The following LRTM1 variants were observed in gnomAD, a reference collection of about 807,000 sequenced individuals.
LRTM1 encodes leucine-rich repeat and transmembrane domain-containing protein 1.
A neutral mutation model predicts 32.4 loss-of-function variants in LRTM1; 38 were observed. That is an observed-to-expected ratio of 1.17 (90% CI 0.91 to 1.54). LRTM1 has a LOEUF of 1.54. LRTM1 is among the 40% of genes most tolerant of loss of function. The pLI, the probability that LRTM1 is intolerant of heterozygous loss-of-function variation, is 0.00. For missense variants in LRTM1, 466 were observed against 415.4 expected, an observed-to-expected ratio of 1.12 and a Z score of -1.06; for synonymous variants, 186 against 169.9, an observed-to-expected ratio of 1.09 and a Z score of -0.74.
intron 1 of LRTM1, among the ~76,000 whole-genome samples, chr3:54,957,881 G>A (rs1701940848): frequency 1.3e-5 from 2 of 152,158 alleles, no homozygotes; most frequent in South Asian, 4.1e-4. Flanking sequence ...ATCTATTTGT[G>A]TCTCACATCC....
chr3:54,957,388 G>A (rs77559319), intron 1 of LRTM1, among the ~76,000 whole-genome samples: 2,958 of 152,168 alleles, frequency 0.019, 107 homozygotes, highest in African/African-American at 0.067. Context: ...GCTTCAAGCA[G>A]TCATCCCATC....
chr3:54,932,355 G>A (rs188449095), upstream of LRTM1, among the ~76,000 whole-genome samples: 1,566 of 148,300 alleles, frequency 0.011, 35 homozygotes, highest in African/African-American at 0.039. Flanking sequence ...ATAAATACGC[G>A]TTGGTTTGTC....
chr3:54,934,793 G>A (rs532280675), intron 1 of LRTM1, among the ~76,000 whole-genome samples: 16 of 152,178 alleles, frequency 1.1e-4, no homozygotes, highest in African/African-American at 2.9e-4. Flanking sequence ...GTGCAGTGGC[G>A]CTATCGTAGC....
In LRTM1 at chr3:54,918,332, C is replaced by CTTTTTTTTTTTTTTTT. The variant is rs533596688; in HGVS notation, c.*111_*126dup. 188 of 228,012 alleles carry CTTTTTTTTTTTTTTTT rather than the reference C, an allele frequency of 8.2e-4. 16 individuals carry two copies. Among genetic ancestry groups the CTTTTTTTTTTTTTTTT allele is most frequent in the African/African-American group, 1.1e-3 (29 of 27,584 alleles). The allele number at this position is 228,012 out of a possible 1,614,324, so 14.1% of individuals were successfully genotyped here. On this transcript the variant is annotated 3_prime_UTR_variant, in exon 3 of 3. Coordinates refer to ENST00000273286, the MANE Select transcript of LRTM1 (RefSeq NM_020678.4). ...TTTTACAGACACATCTTTTTTTTTT[C>CTTTTTTTTTTTTTTTT]TTTTTTTTTTTTTTTTTTTTTTTGT...
chr3:54,932,855 G>C (rs958728531), upstream of LRTM1, among the ~76,000 whole-genome samples: 8 of 152,222 alleles, frequency 5.3e-5, no homozygotes, highest in Non-Finnish European at 1.0e-4. Context: ...GCCAGGAATA[G>C]TGGGGAGTAG....
rs149213833 is a variant in LRTM1, at chr3:54,936,954, A to G, written c.-221-11739T>C. Reference sequence around the variant, plus strand: ...GGCTGATGTTTATAAGTTCCTATCCATGGCCTCCAGTTGCTCCCACCATGA... The same window carrying G: ...GGCTGATGTTTATAAGTTCCTATCCGTGGCCTCCAGTTGCTCCCACCATGA... On this transcript the variant is annotated intron_variant, in intron 1 of 2. Transcript: ENST00000493075. Among the ~76,000 whole-genome samples, 16 of 152,224 alleles carry G rather than the reference A, an allele frequency of 1.1e-4. No homozygotes were observed. In the East Asian group the frequency reaches 2.1e-3, roughly 20 times the overall value.
chr3:54,928,148 G>T, upstream of LRTM1: 1 of 531,178 alleles, frequency 1.9e-6, no homozygotes. Flanking sequence ...AGGATCTTGG[G>T]ATCGTGCCCC....
rs1353313172 is a variant in LRTM1 at position 54,918,292 on chromosome 3, C to T, written c.*167G>A. ...ATTTTAAAAATCGCAACATAAATTC[C>T]TCCCCAGAAATATTTTTTACAGACA... On this transcript the variant is annotated 3_prime_UTR_variant, in exon 3 of 3. Coordinates refer to ENST00000273286, the MANE Select transcript of LRTM1 (RefSeq NM_020678.4). 2.9e-6 allele frequency: 2 copies of T among 682,934 alleles called. No individual in the cohort carries two copies. Among genetic ancestry groups the T allele is most frequent in the Admixed American group, 2.7e-5 (1 of 36,926 alleles). 42.3% of individuals were successfully genotyped at this position (682,934 alleles called of 1,614,324 possible). A position where few individuals can be genotyped will look rare whatever the true frequency, so the allele number is the denominator to read the frequency against.
intron 1 of LRTM1, among the ~76,000 whole-genome samples, chr3:54,961,826 G>A (rs2107048778): frequency 6.6e-6 from 1 of 152,248 alleles, no homozygotes; most frequent in Non-Finnish European, 1.5e-5. Context: ...TAACAGAGTG[G>A]TAGAAGCCGG....
intron 1 of LRTM1, among the ~76,000 whole-genome samples, chr3:54,936,695 G>A (rs1227834778): frequency 2.6e-5 from 4 of 152,060 alleles, no homozygotes; most frequent in African/African-American, 4.8e-5. Flanking sequence ...CAGTCAGCCC[G>A]TCGCTAGTAG....
upstream of LRTM1, among the ~76,000 whole-genome samples, chr3:54,932,942 T>G (rs532612875): frequency 4.6e-5 from 7 of 152,326 alleles, no homozygotes; most frequent in East Asian, 1.4e-3. Flanking sequence ...ATGTGGATAA[T>G]AGTGAAAATA....
chr3:54,965,255 G>T (rs765636476), intron 1 of LRTM1, among the ~76,000 whole-genome samples: 1 of 152,172 alleles, frequency 6.6e-6, no homozygotes, highest in Non-Finnish European at 1.5e-5. Flanking sequence ...TACTCTTGAA[G>T]CTTTGGCCTG....
chr3:54,953,650 T>C (rs1302930470), intron 1 of LRTM1, among the ~76,000 whole-genome samples: 1 of 152,212 alleles, frequency 6.6e-6, no homozygotes, highest in Non-Finnish European at 1.5e-5. Context: ...AAAGGTCCAG[T>C]TCCCCAGGAG....
intron 1 of LRTM1, among the ~76,000 whole-genome samples, chr3:54,948,718 C>G (rs1701678616): frequency 1.3e-5 from 2 of 152,164 alleles, no homozygotes; most frequent in African/African-American, 4.8e-5. Flanking sequence ...CTGTTGTCAG[C>G]TATTGTATTT....
At chr3:54,937,543 T>A (rs577381785) in intron 1 of LRTM1, among the ~76,000 whole-genome samples, 19 of 152,318 alleles carry the variant, frequency 1.2e-4, no homozygotes, top group African/African-American at 4.1e-4. Context: ...AAACTCGTGT[T>A]GTGCAAGGGT....
At chr3:54,935,281 A>G (rs1183501517) in intron 1 of LRTM1, among the ~76,000 whole-genome samples, 3 of 152,140 alleles carry the variant, frequency 2.0e-5, no homozygotes, top group African/African-American at 7.2e-5. Context: ...GGTTAGAGGA[A>G]ATACAGACTT....
intron 2 of LRTM1, among the ~76,000 whole-genome samples, chr3:54,924,367 C>A (rs1700947627): frequency 1.3e-5 from 2 of 152,168 alleles, no homozygotes; most frequent in Admixed American, 6.5e-5. Context: ...TAAGTAACTT[C>A]TTGTTATATT....
upstream of LRTM1, among the ~76,000 whole-genome samples, chr3:54,932,777 C>T (rs760090962): frequency 2.0e-5 from 3 of 152,224 alleles, no homozygotes; most frequent in Admixed American, 1.3e-4. Context: ...TCAACAGGCT[C>T]CTCATCCAAA....
intron 1 of LRTM1, among the ~76,000 whole-genome samples, chr3:54,952,446 C>T (rs1484032599): frequency 2.0e-5 from 3 of 152,136 alleles, no homozygotes; most frequent in Non-Finnish European, 2.9e-5. Flanking sequence ...CTCTCAGAGA[C>T]AGATCAGTTC....
Sources: allele counts gnomAD v4.1 joint callset (sites outside exome capture counted in the v4.1 genomes callset), GRCh38; gene constraint gnomAD v4.1.1; transcripts MANE v1.5; gene names NCBI Gene and HGNC (gene_info 2026-07-23, HGNC 2026-07-21).